The following CBFA2T3 variants were observed in gnomAD, a reference collection of about 807,000 sequenced individuals.
CBFA2T3 encodes the protein CBFA2/RUNX1 partner transcriptional co-repressor 3.
In CBFA2T3, 31 loss-of-function variants were observed where a neutral mutation model predicts 58.6. That is an observed-to-expected ratio of 0.53 (90% CI 0.40 to 0.71). CBFA2T3 has a LOEUF of 0.71. CBFA2T3 is among the 30% of genes least tolerant of loss of function. The probability of loss-of-function intolerance (pLI) is 0.00; values close to 1 mark genes in which losing one functional copy is unlikely to be tolerated. For missense variants in CBFA2T3, 1,076 were observed against 963.1 expected (o/e 1.12, Z -1.55); for synonymous variants, 531 against 421.9 (o/e 1.26, Z -3.17).
At chr16:88,886,228 G>T in intron 5 of CBFA2T3, 86 bp from the exon 6 acceptor site, 1 of 1,021,634 alleles carries the variant, frequency 9.8e-7, no homozygotes, top group Non-Finnish European at 1.3e-6. Flanking sequence ...TGGGCTGGGT[G>T]GCCGAAAGCT....
At chr16:88,882,862 G>A in intron 7 of CBFA2T3, 101 bp from the exon 8 acceptor site, 1 of 809,308 alleles carries the variant, frequency 1.2e-6, no homozygotes, top group Non-Finnish European at 2.1e-6. Flanking sequence ...CCCGTGGGCT[G>A]TGCCCGCTGG....
intron 1 of CBFA2T3, among the ~76,000 whole-genome samples, chr16:88,920,161 A>G (rs777154840): frequency 1.3e-5 from 2 of 152,246 alleles, no homozygotes; most frequent in Admixed American, 6.5e-5. Context: ...TCAGCTGACC[A>G]GTGAAGCTTG....
At chr16:88,894,035 G>A (rs539849748) in intron 3 of CBFA2T3, among the ~76,000 whole-genome samples, 57 of 152,260 alleles carry the variant, frequency 3.7e-4, no homozygotes, top group African/African-American at 1.2e-3. Context: ...ACACACTCAC[G>A]GCTGGCTCCC....
chr16:88,925,265 A>T (rs1306677673), intron 1 of CBFA2T3, among the ~76,000 whole-genome samples: 1 of 152,146 alleles, frequency 6.6e-6, no homozygotes, highest in Non-Finnish European at 1.5e-5. Context: ...GGCACGGTGC[A>T]GCCGCAGCCG....
chr16:88,906,651 GA>G (rs1319777109), intron 1 of CBFA2T3, among the ~76,000 whole-genome samples: 1 of 152,242 alleles, frequency 6.6e-6, no homozygotes, highest in Non-Finnish European at 1.5e-5. Context: ...TGTCACGGAG[GA>G]ACCTGGTGCC....
intron 1 of CBFA2T3, among the ~76,000 whole-genome samples, chr16:88,922,892 G>A (rs1336275017): frequency 6.6e-6 from 1 of 152,134 alleles, no homozygotes; most frequent in African/African-American, 2.4e-5. Context: ...TAATCACGAT[G>A]AAAACATAAA....
In CBFA2T3 at chr16:88,875,450, G is replaced by A. The variant is rs560559057; in HGVS notation, c.*1526C>T. On this transcript the variant is annotated 3_prime_UTR_variant, in exon 12 of 12. Coordinates refer to ENST00000268679, the MANE Select transcript of CBFA2T3 (RefSeq NM_005187.6). ...AGGGGTGGCTGGGCAGGAGCACCAG[G>A]GCTATGTACACGGTCAGGGTCTTCC... The A allele has an allele frequency of 2.2e-3, 506 of 233,550 alleles. 3 individuals are homozygous for A. Among genetic ancestry groups the A allele is most frequent in the Non-Finnish European group, 3.1e-3 (371 of 118,192 alleles). The allele number at this position is 233,550 out of a possible 1,614,324, so 14.5% of individuals were successfully genotyped here.
chr16:88,895,957 G>A (rs1289289865), intron 3 of CBFA2T3, among the ~76,000 whole-genome samples: 1 of 152,200 alleles, frequency 6.6e-6, no homozygotes, highest in Non-Finnish European at 1.5e-5. Flanking sequence ...CCAGGGACCA[G>A]AGGACAGCAT....
chr16:88,900,856 G>T (rs1478847574), intron 2 of CBFA2T3, among the ~76,000 whole-genome samples: 1 of 152,248 alleles, frequency 6.6e-6, no homozygotes, highest in Non-Finnish European at 1.5e-5. Flanking sequence ...GCCCACCATC[G>T]GCGGCTCTGT....
At position 88,876,060 on chromosome 16, in the gene CBFA2T3, T is replaced by G. The variant is rs1452160582; in HGVS notation, c.*916A>C. On this transcript the variant is annotated 3_prime_UTR_variant, in exon 12 of 12. Coordinates refer to ENST00000268679, the MANE Select transcript of CBFA2T3 (RefSeq NM_005187.6). ...AGAACAGAAGAGAAAAAGACCCACA[T>G]CCAAACAAACCCAAGAGCAAGTGAA... The G allele has an allele frequency of 1.3e-5, 3 of 232,650 alleles. No individual in the cohort carries two copies. Among genetic ancestry groups the G allele is most frequent in the Admixed American group, 5.6e-5 (1 of 17,750 alleles). The allele number at this position is 232,650 out of a possible 1,614,324, so 14.4% of individuals were successfully genotyped here. A position where few individuals can be genotyped will look rare whatever the true frequency, so the allele number is the denominator to read the frequency against.
At chr16:88,959,735 G>C (rs911891370) in intron 1 of CBFA2T3, among the ~76,000 whole-genome samples, 2 of 152,180 alleles carry the variant, frequency 1.3e-5, no homozygotes, top group Admixed American at 6.5e-5. Context: ...CAGGAGGAAA[G>C]GTGGCTCATT....
intron 5 of CBFA2T3, among the ~76,000 whole-genome samples, chr16:88,890,929 G>A (rs989164596): frequency 2.6e-5 from 4 of 152,138 alleles, no homozygotes; most frequent in South Asian, 4.1e-4. Context: ...GCCCAGGCTG[G>A]TCTTGAACTC....
chr16:88,882,746 C>G lies in CBFA2T3; in HGVS notation c.1133G>C (p.Arg378Pro), dbSNP rs138121416. Reference protein sequence around the residue: ...RHRPLVVPGSRQEEVIDHKLT... With the variant: ...RHRPLVVPGSPQEEVIDHKLT... ...CTTGTGGTCGATCACTTCTTCCTGCCGGGACCCAGGCACCACTGTGGATGG... is the reference window on the plus strand; with the variant it reads ...CTTGTGGTCGATCACTTCTTCCTGCGGGGACCCAGGCACCACTGTGGATGG... Residue 378 changes from arginine (R) to proline (P), a missense_variant, in exon 8 of 12, where the codon CGG becomes CCG. By Grantham distance (103) the Arg-to-Pro change is moderately radical. Coordinates refer to ENST00000268679, the MANE Select transcript of CBFA2T3 (RefSeq NM_005187.6). 250 of 1,581,048 alleles carry G rather than the reference C, an allele frequency of 1.6e-4. No individual in the cohort carries two copies. Among genetic ancestry groups the G allele is most frequent in the Non-Finnish European group, 2.1e-4 (247 of 1,163,512 alleles).
At chr16:88,931,191 C>G (rs915449772) in intron 1 of CBFA2T3, among the ~76,000 whole-genome samples, 1 of 151,968 alleles carries the variant, frequency 6.6e-6, no homozygotes, top group Non-Finnish European at 1.5e-5. Flanking sequence ...GCTCAGCCTC[C>G]CTCCCAGGGG....
chr16:88,910,565 G>A (rs1011430163), intron 1 of CBFA2T3, among the ~76,000 whole-genome samples: 2 of 152,230 alleles, frequency 1.3e-5, no homozygotes. Context: ...AAGGCGTGGG[G>A]ACAGGCAGTG....
At chr16:88,890,931 C>T (rs1348732369) in intron 5 of CBFA2T3, among the ~76,000 whole-genome samples, 4 of 152,158 alleles carry the variant, frequency 2.6e-5, no homozygotes, top group Admixed American at 2.6e-4. Flanking sequence ...CCAGGCTGGT[C>T]TTGAACTCCT....
In CBFA2T3 at chr16:88,953,810, C is replaced by G. The variant is rs541129088; in HGVS notation, c.151+22847G>C. 6.6e-6 allele frequency among the ~76,000 whole-genome samples: 1 copy of G among 152,294 alleles called. No individual in the cohort carries two copies. Among genetic ancestry groups the G allele is most frequent in the East Asian group, 1.9e-4 (1 of 5,178 alleles). On this transcript the variant is annotated intron_variant, in intron 1 of 11. Coordinates refer to ENST00000268679, the MANE Select transcript of CBFA2T3 (RefSeq NM_005187.6). The surrounding 1 kb of genome is among the most constrained non-coding windows in gnomAD (Gnocchi z 4.9). ...CCCTGAATCTTAATCATATGTGTCTCTGGGTTTCCCTTAAGGGGGATGGCT... is the reference window on the plus strand; with the variant it reads ...CCCTGAATCTTAATCATATGTGTCTGTGGGTTTCCCTTAAGGGGGATGGCT...
At chr16:88,927,961 G>A (rs1257274719) in intron 1 of CBFA2T3, among the ~76,000 whole-genome samples, 1 of 152,212 alleles carries the variant, frequency 6.6e-6, no homozygotes, top group Non-Finnish European at 1.5e-5. Context: ...CCTCTGAAGT[G>A]GGAGCCGCAG....
At chr16:88,882,630 GCGCC>G in intron 8 of CBFA2T3, 42 bp downstream of exon 8, 1 of 1,285,744 alleles carries the variant, frequency 7.8e-7, no homozygotes, top group Non-Finnish European at 1.1e-6. Context: ...GCGTGGCTGT[GCGCC>G]TGGGCATGGC....
Sources: gnomAD v4.1 joint callset for allele counts (sites outside exome capture counted in the v4.1 genomes callset) on GRCh38, gnomAD v4.1.1 for gene constraint, Gnocchi (gnomAD v3.1) non-coding constraint, MANE v1.5 for transcripts, NCBI Gene and HGNC (gene_info 2026-07-23, HGNC 2026-07-21) for gene names.